Variants in NME5 observed in about 807,000 individuals in gnomAD.
NME5 encodes the protein NME/NM23 family member 5, also known as nucleoside diphosphate kinase 5.
A neutral mutation model predicts 21.6 loss-of-function variants in NME5; 18 were observed. That is an observed-to-expected ratio of 0.83 (90% confidence interval 0.58 to 1.24). The LOEUF (loss-of-function observed/expected upper bound fraction) is 1.24. Among genes scored for constraint, NME5 ranks in the 50% most tolerant of loss-of-function variants. The probability of loss-of-function intolerance (pLI) is 0.00; values close to 1 mark genes in which losing one functional copy is unlikely to be tolerated. For synonymous variants in NME5, 70 were observed against 80.6 expected (o/e 0.87, Z 0.71); for missense variants, 223 against 255.4 (o/e 0.87, Z 0.86).
rs529932583 is a variant in NME5, at chr5:138,127,420, AT to A, written c.436+1058del. 8.5e-4 allele frequency: 806 copies of A among 949,548 alleles called. 5 individuals carry two copies. The African/African-American group carries it at 0.012, about 15-fold the overall frequency. The allele number at this position is 949,548 out of a possible 1,614,324, so 58.8% of individuals were successfully genotyped here. ...GAAATCTCCAAAAAAAAGAAAAAAAATATATCAGGAACTTTTAAATCTCCAA... is the reference window on the plus strand; with the variant it reads ...GAAATCTCCAAAAAAAAGAAAAAAAAATATCAGGAACTTTTAAATCTCCAA... On this transcript the variant is annotated intron_variant, in intron 4 of 5. Coordinates refer to ENST00000265191, the MANE Select transcript of NME5 (RefSeq NM_003551.3).
At chr5:138,116,382 C>T (rs968840618) in intron 5 of NME5, 2 of 152,180 alleles carry the variant, frequency 1.3e-5, no homozygotes, top group Non-Finnish European at 2.9e-5. Context: ...AATGGAAAGC[C>T]AATCCTCAAA....
chr5:138,120,109 C>CT (rs755595038), intron 4 of NME5, among the ~76,000 whole-genome samples: 1 of 150,558 alleles, frequency 6.6e-6, no homozygotes, highest in Non-Finnish European at 1.5e-5. Flanking sequence ...CTTTTTTTTT[C>CT]TTTAAGTGTT....
In NME5 at chr5:138,115,618, CAGT is replaced by C; in HGVS notation, c.*60_*62del. ...AAACCCTAGAAATAATTTTTTCAAA[CAGT>C]AGAAGTACAGCCTTTTATAATAAGA... On this transcript the variant is annotated 3_prime_UTR_variant, in exon 6 of 6. Transcript: ENST00000265191. The C allele has an allele frequency of 1.0e-6, 1 of 978,480 alleles. No individual in the cohort carries two copies. 60.6% of individuals were successfully genotyped at this position (978,480 alleles called of 1,614,324 possible).
chr5:138,126,533 A>AAAAG (rs1394903759), intron 4 of NME5, among the ~76,000 whole-genome samples: 1 of 149,128 alleles, frequency 6.7e-6, no homozygotes, highest in African/African-American at 2.4e-5. Context: ...AAAAAAAAAA[A>AAAAG]AAAGAAAGAA....
Position 138,115,652 on chromosome 5 carries a change from C to T in NME5, c.*29G>A, listed in dbSNP as rs1751140978. On this transcript the variant is annotated 3_prime_UTR_variant, in exon 6 of 6. Transcript: ENST00000265191. ...TACAGCCTTTTATAATAAGATAGTT[C>T]ATGATTTGTTCTTTCGAGGATTTTT... 1 of 1,395,210 alleles carries T rather than the reference C, an allele frequency of 7.2e-7. No homozygotes were observed. Among genetic ancestry groups the T allele is most frequent in the Non-Finnish European group, 9.8e-7 (1 of 1,023,284 alleles). 86.4% of individuals were successfully genotyped at this position (1,395,210 alleles called of 1,614,324 possible). A position where few individuals can be genotyped will look rare whatever the true frequency, so the allele number is the denominator to read the frequency against.
At position 138,138,735 on chromosome 5, in the gene NME5, G is replaced by A; in HGVS notation, c.46C>T (p.Leu16=). Residue 16 remains leucine (L), a synonymous_variant, in exon 2 of 6, where the codon CTG becomes TTG. Transcript: ENST00000265191. The stretch of plus-strand genomic sequence containing the variant: ...ACAATATCTGGTTTGATAATGGCCA[G>A]AGTTTTTTCTACATATATCTGAGGT... ...PPPQIYVEKT[L]AIIKPDIVDK... 6.2e-7 allele frequency: 1 copy of A among 1,612,754 alleles called. No individual in the cohort carries two copies. The highest frequency in any genetic ancestry group is 8.5e-7 in the Non-Finnish European group (1 of 1,179,524).
rs568813864 is a variant in NME5, at chr5:138,118,327, G to A, written c.555+491C>T. On this transcript the variant is annotated intron_variant, in intron 5 of 5. Coordinates refer to ENST00000265191, the MANE Select transcript of NME5 (RefSeq NM_003551.3). Reference sequence around the variant, plus strand: ...TTTTTAGTAGAGATGGGGTTTCACCGTGTTAGCCAGGATGGTCTTGATCTC... The same window carrying A: ...TTTTTAGTAGAGATGGGGTTTCACCATGTTAGCCAGGATGGTCTTGATCTC... 4.3e-4 allele frequency among the ~76,000 whole-genome samples: 65 copies of A among 151,054 alleles called. 1 individual carries two copies. In the South Asian group the frequency reaches 5.7e-3, roughly 13 times the overall value.
At chr5:138,118,724 C>T (rs1465662231) in intron 5 of NME5, 94 bp downstream of exon 5, 15 of 738,192 alleles carry the variant, frequency 2.0e-5, no homozygotes, top group Admixed American at 4.2e-5. Flanking sequence ...ACCTCGGATC[C>T]GCCCGCCTTG....
chr5:138,122,476 C>A (rs1364992231), intron 4 of NME5, among the ~76,000 whole-genome samples: 3 of 118,598 alleles, frequency 2.5e-5, no homozygotes, highest in Non-Finnish European at 3.6e-5. Flanking sequence ...AAAATTGTGC[C>A]TAAATATTAT....
chr5:138,138,792 A>G lies in NME5; in HGVS notation c.-5-7T>C. On this transcript the variant is annotated splice_region_variant and splice_polypyrimidine_tract_variant and intron_variant, in intron 1 of 5. Transcript: ENST00000265191. ...ATTGATATCTCCATTATGGCTTTTC[A>G]GGGCACAAATTAAGAGTTTCTTAAC... 1 of 1,596,874 alleles carries G rather than the reference A, an allele frequency of 6.3e-7. No individual in the cohort carries two copies. The highest frequency in any genetic ancestry group is 1.1e-5 in the South Asian group (1 of 88,110).
intron 4 of NME5, chr5:138,127,386 A>G (rs958903542): frequency 6.0e-5 from 46 of 765,726 alleles, no homozygotes; most frequent in Non-Finnish European, 7.0e-5. Flanking sequence ...TCAGTTATTC[A>G]AAACATGTGA....
At chr5:138,134,166 C>T (rs779535596) in intron 2 of NME5, among the ~76,000 whole-genome samples, 1 of 152,226 alleles carries the variant, frequency 6.6e-6, no homozygotes, top group Admixed American at 6.5e-5. Flanking sequence ...ACCTCCGCCT[C>T]CCGGGTTCAA....
At chr5:138,136,925 G>A (rs1247838473) in intron 2 of NME5, among the ~76,000 whole-genome samples, 1 of 151,700 alleles carries the variant, frequency 6.6e-6, no homozygotes, top group African/African-American at 2.4e-5. Flanking sequence ...TTACAGGCAT[G>A]AGCCACCGTG....
chr5:138,128,846 T>C (rs980364538), intron 3 of NME5, among the ~76,000 whole-genome samples: 3 of 152,190 alleles, frequency 2.0e-5, no homozygotes, highest in Admixed American at 6.6e-5. Context: ...AAAAAAGCAA[T>C]GCACATTCAA....
intron 2 of NME5, among the ~76,000 whole-genome samples, chr5:138,130,188 C>T (rs1010149723): frequency 6.6e-6 from 1 of 151,886 alleles, no homozygotes; most frequent in African/African-American, 2.4e-5. Flanking sequence ...GAGGCCAAGG[C>T]GGAAGGATCG....
intron 4 of NME5, among the ~76,000 whole-genome samples, chr5:138,123,545 T>G (rs980869769): frequency 6.6e-6 from 1 of 152,200 alleles, no homozygotes; most frequent in Non-Finnish European, 1.5e-5. Context: ...TGACAGAATC[T>G]CTTCCTTTTT....
At chr5:138,119,322 C>T (rs1047573929) in intron 4 of NME5, among the ~76,000 whole-genome samples, 2 of 152,190 alleles carry the variant, frequency 1.3e-5, no homozygotes, top group African/African-American at 4.8e-5. Flanking sequence ...TCTCCTGCCT[C>T]AGCCTCCTAA....
chr5:138,117,066 G>T (rs1427038783), intron 5 of NME5, among the ~76,000 whole-genome samples: 1 of 151,806 alleles, frequency 6.6e-6, no homozygotes, highest in Non-Finnish European at 1.5e-5. Flanking sequence ...AAAATTAGCT[G>T]GGTGTGGTAG....
intron 4 of NME5, among the ~76,000 whole-genome samples, chr5:138,122,440 C>CAAAAAAAA (rs1360335135): frequency 4.8e-5 from 1 of 20,938 alleles, no homozygotes; most frequent in Non-Finnish European, 8.0e-5. Flanking sequence ...AACTCTGTCT[C>CAAAAAAAA]TAAAAAAAAA....
Sources: allele counts gnomAD v4.1 joint callset (sites outside exome capture counted in the v4.1 genomes callset), GRCh38; gene constraint gnomAD v4.1.1; transcripts MANE v1.5; gene names NCBI Gene and HGNC (gene_info 2026-07-23, HGNC 2026-07-21).